Variants in MIPEP observed in about 807,000 individuals in gnomAD.
MIPEP encodes mitochondrial intermediate peptidase.
Under a neutral mutation model 90.3 loss-of-function variants are expected in MIPEP, and 79 were observed. The observed-to-expected ratio is 0.87, with a 90% CI of 0.73 to 1.05. MIPEP has a LOEUF of 1.05. Ranked by LOEUF, MIPEP falls within the 50% of genes least tolerant of loss-of-function variation. MIPEP has a pLI of 0.00. For synonymous variants in MIPEP, 334 were observed against 315.8 expected, an observed-to-expected ratio of 1.06 and a Z score of -0.61; for missense variants, 940 against 905.6, an observed-to-expected ratio of 1.04 and a Z score of -0.49.
Position 23,874,916 on chromosome 13 carries a change from A to G in MIPEP, c.540-7T>C, listed in dbSNP as rs760975963. ...AAACAGTTCAGCCACTCGCCTATAA[A>G]TGAAATGAGCCCCAGGTTATAACAG... On this transcript the variant is annotated splice_polypyrimidine_tract_variant and splice_region_variant and intron_variant, in intron 4 of 18. Transcript: ENST00000382172. 17 of 1,597,094 alleles carry G rather than the reference A, an allele frequency of 1.1e-5. No individual in the cohort carries two copies. The African/African-American group carries it at 2.3e-4, about 22-fold the overall frequency.
intron 14 of MIPEP, 106 bp from the exon 15 acceptor site, chr13:23,810,030 T>C (rs1020498883): frequency 6.6e-6 from 4 of 604,786 alleles, no homozygotes; most frequent in Admixed American, 2.9e-5. Flanking sequence ...ACATGAGTAA[T>C]AGAATTTCAT....
intron 16 of MIPEP, among the ~76,000 whole-genome samples, chr13:23,783,202 C>A (rs1471836793): frequency 2.0e-5 from 3 of 151,688 alleles, no homozygotes; most frequent in Non-Finnish European, 4.4e-5. Flanking sequence ...GTGCAAAAAT[C>A]CTCAATACTG....
chr13:23,805,417 T>C (rs1953097184), intron 16 of MIPEP, among the ~76,000 whole-genome samples: 1 of 152,214 alleles, frequency 6.6e-6, no homozygotes, highest in African/African-American at 2.4e-5. Flanking sequence ...ATAAGGTTAT[T>C]TTGAGAGCTA....
At chr13:23,838,191 T>G (rs1018864743) in intron 12 of MIPEP, among the ~76,000 whole-genome samples, 1 of 152,160 alleles carries the variant, frequency 6.6e-6, no homozygotes, top group African/African-American at 2.4e-5. Context: ...TTGCCCAGGC[T>G]GGAGTGCAGT....
chr13:23,808,982 G>C (rs1169642501), intron 15 of MIPEP, among the ~76,000 whole-genome samples: 1 of 152,164 alleles, frequency 6.6e-6, no homozygotes, highest in Non-Finnish European at 1.5e-5. Context: ...TGAAAGATGG[G>C]TGTTTAAGGT....
At chr13:23,856,738 T>C (rs1484024024) in intron 10 of MIPEP, among the ~76,000 whole-genome samples, 1 of 152,092 alleles carries the variant, frequency 6.6e-6, no homozygotes, top group African/African-American at 2.4e-5. Context: ...GGTCAGGAGG[T>C]TGTGACCAGA....
At chr13:23,793,619 CAGAAATGAGCCATGCTGTTCTTTG>C (rs1952923769) in intron 16 of MIPEP, among the ~76,000 whole-genome samples, 1 of 151,820 alleles carries the variant, frequency 6.6e-6, no homozygotes, top group South Asian at 2.1e-4. Context: ...ATAAACAAAT[CAGAAATGAGCCATGCTGTTCTTTG>C]AGGTTCACTC....
rs779781347 is a variant in MIPEP at position 23,760,238 on chromosome 13, C to T, written c.1849-21G>A. On this transcript the variant is annotated intron_variant, in intron 16 of 18. Coordinates refer to ENST00000382172, the MANE Select transcript of MIPEP (RefSeq NM_005932.4). The stretch of plus-strand genomic sequence containing the variant: ...CAGGCCTGCCAAGAACAGAGAGACA[C>T]AGCACGGGACACAAGTCAGTTTCCA... 100 of 1,613,804 alleles carry T rather than the reference C, an allele frequency of 6.2e-5. No homozygotes were observed. The Middle Eastern group carries it at 9.9e-4, about 16-fold the overall frequency.
intron 16 of MIPEP, among the ~76,000 whole-genome samples, chr13:23,799,086 T>G (rs1407885797): frequency 7.6e-6 from 1 of 131,826 alleles, no homozygotes; most frequent in Non-Finnish European, 1.6e-5. Flanking sequence ...TCACTGCAAC[T>G]GCCACCTCCC....
chr13:23,852,018 A>G (rs1350277419), intron 10 of MIPEP, among the ~76,000 whole-genome samples: 1 of 152,254 alleles, frequency 6.6e-6, no homozygotes, highest in Non-Finnish European at 1.5e-5. Context: ...GCCACAAGGA[A>G]GCACACAGAT....
At chr13:23,745,567 T>C (rs1952373564) in intron 18 of MIPEP, among the ~76,000 whole-genome samples, 2 of 152,176 alleles carry the variant, frequency 1.3e-5, no homozygotes, top group Admixed American at 6.5e-5. Context: ...CATCAGTGTA[T>C]TGCCAACTTG....
chr13:23,780,586 G>A (rs942398752), intron 16 of MIPEP, among the ~76,000 whole-genome samples: 2 of 152,204 alleles, frequency 1.3e-5, no homozygotes, highest in Non-Finnish European at 2.9e-5. Context: ...CACCAGCAAC[G>A]GAATAAAGCT....
chr13:23,865,124 T>C (rs530086773), intron 7 of MIPEP, among the ~76,000 whole-genome samples: 1 of 152,264 alleles, frequency 6.6e-6, no homozygotes, highest in South Asian at 2.1e-4. Context: ...ATAAAGGCAG[T>C]GCAGTAGAAT....
At chr13:23,771,756 G>C (rs1042984635) in intron 16 of MIPEP, among the ~76,000 whole-genome samples, 1 of 152,108 alleles carries the variant, frequency 6.6e-6, no homozygotes, top group African/African-American at 2.4e-5. Context: ...TCATTTCAGT[G>C]TCTCTTACCT....
chr13:23,743,438 C>T (rs1354995757), intron 18 of MIPEP, among the ~76,000 whole-genome samples: 1 of 152,244 alleles, frequency 6.6e-6, no homozygotes, highest in Non-Finnish European at 1.5e-5. Flanking sequence ...TTCCCTCTAT[C>T]TACAATCAGT....
chr13:23,833,348 C>T (rs960756527), intron 14 of MIPEP, among the ~76,000 whole-genome samples: 29 of 152,228 alleles, frequency 1.9e-4, no homozygotes, highest in African/African-American at 6.3e-4. Context: ...CCTTTGGGCA[C>T]GCTTTCCATT....
intron 14 of MIPEP, among the ~76,000 whole-genome samples, chr13:23,827,773 A>G (rs550133261): frequency 6.6e-6 from 1 of 152,314 alleles, no homozygotes; most frequent in South Asian, 2.1e-4. Context: ...CTCTACTAAA[A>G]TTACAAAAAT....
At chr13:23,731,138 T>C (rs1952200230) in intron 18 of MIPEP, among the ~76,000 whole-genome samples, 1 of 152,234 alleles carries the variant, frequency 6.6e-6, no homozygotes, top group Non-Finnish European at 1.5e-5. Context: ...AAACAAAGAT[T>C]GATGCAATTA....
chr13:23,855,496 T>A (rs955397384), intron 10 of MIPEP, among the ~76,000 whole-genome samples: 1 of 152,180 alleles, frequency 6.6e-6, no homozygotes, highest in African/African-American at 2.4e-5. Flanking sequence ...TCATTTTGTG[T>A]CAAGCCACAC....
Sources: gnomAD v4.1 joint callset for allele counts (sites outside exome capture counted in the v4.1 genomes callset) on GRCh38, gnomAD v4.1.1 for gene constraint, MANE v1.5 for transcripts, NCBI Gene and HGNC (gene_info 2026-07-23, HGNC 2026-07-21) for gene names.